NINL: variants seen among roughly 807,000 people sequenced by gnomAD.
NINL encodes the protein ninein like, also known as ninein-like protein.
A neutral mutation model predicts 160.3 loss-of-function variants in NINL; 153 were observed. That is an observed-to-expected ratio of 0.95 (90% CI 0.84 to 1.09). The LOEUF is 1.09. Ranked by LOEUF, NINL falls within the 50% of genes least tolerant of loss-of-function variation. The pLI, the probability that NINL is intolerant of heterozygous loss-of-function variation, is 0.00. For missense variants in NINL, 1,829 were observed against 1,764.0 expected (o/e 1.04, Z -0.66); for synonymous variants, 800 against 734.8 (o/e 1.09, Z -1.43).
intron 18 of NINL, among the ~76,000 whole-genome samples, chr20:25,468,940 TTGA>T (rs2063007289): frequency 1.1e-5 from 1 of 93,388 alleles, no homozygotes; most frequent in African/African-American, 5.3e-5. Context: ...GTCCTGTCCC[TTGA>T]CTCTCACTGG....
intron 1 of NINL, among the ~76,000 whole-genome samples, chr20:25,538,452 T>C (rs913791): frequency 0.97 from 147,912 of 152,312 alleles, 71,960 homozygotes; most frequent in Non-Finnish European, 1. Flanking sequence ...CCAGAGTTCT[T>C]TCAGCTCACC....
In NINL at chr20:25,489,875, C is replaced by T. The variant is rs752106594; in HGVS notation, c.1596G>A (p.Lys532=). 4.3e-6 allele frequency: 7 copies of T among 1,613,960 alleles called. No individual in the cohort carries two copies. The highest frequency in any genetic ancestry group is 1.3e-5 in the African/African-American group (1 of 74,930). The change falls in exon 12 of 24, where the codon AAG becomes AAA. Residue 532 remains lysine (K), a splice_region_variant and synonymous_variant. Coordinates refer to ENST00000278886, the MANE Select transcript of NINL (RefSeq NM_025176.6). ...QKDLEFVLKD[K]LEPQSAELLA... is the part of the protein sequence containing the mutation. Reference sequence around the variant, plus strand: ...GCAGACTGTCAGCAAAGGGACTCGCCTTGTCCTTCAGCACAAACTCCAGGT... The same window carrying T: ...GCAGACTGTCAGCAAAGGGACTCGCTTTGTCCTTCAGCACAAACTCCAGGT...
rs6037133 is a variant in NINL at position 25,529,465 on chromosome 20, G to T, written c.-11-2867C>A. ...ATGATAATCTGCTCAGCATCTGCAA[G>T]GGCCTGCCCTATTTGCTAATCAAAT... On this transcript the variant is annotated intron_variant, in intron 1 of 23. Transcript: ENST00000278886. Among the ~76,000 whole-genome samples the T allele has an allele frequency of 6.5e-4, 99 of 152,044 alleles. 1 individual carries two copies. In the East Asian group the frequency reaches 0.019, roughly 28 times the overall value.
In NINL at chr20:25,492,240, G is replaced by C. The variant is rs967382594; in HGVS notation, c.1311-715C>G. On this transcript the variant is annotated intron_variant, in intron 10 of 23. Transcript: ENST00000278886. ...ACTTTAAAGAAACAACACTCAAAAG[G>C]GAAGAGTATGAAGGAAGTACAATAA... Among the ~76,000 whole-genome samples, 6 of 152,144 alleles carry C rather than the reference G, an allele frequency of 3.9e-5. No homozygotes were observed. In the South Asian group the frequency reaches 1.2e-3, roughly 32 times the overall value.
chr20:25,570,173 C>CT (rs1258940487), intron 1 of NINL, among the ~76,000 whole-genome samples: 1 of 152,154 alleles, frequency 6.6e-6, no homozygotes, highest in Non-Finnish European at 1.5e-5. Context: ...GAGCAAAACT[C>CT]TGTCTCAAAA....
At position 25,455,660 on chromosome 20, in the gene NINL, G is replaced by A. The variant is rs772012373; in HGVS notation, c.3957+13C>T. On this transcript the variant is annotated intron_variant, in intron 23 of 23. Transcript: ENST00000278886. ...AGGACGTGAACACGAAAGCAGCAGCGCCCATCACTCACCTGCTCCTTCAGC... is the reference window on the plus strand; with the variant it reads ...AGGACGTGAACACGAAAGCAGCAGCACCCATCACTCACCTGCTCCTTCAGC... The A allele has an allele frequency of 1.6e-5, 26 of 1,576,944 alleles. No homozygotes were observed. In the Admixed American group the frequency reaches 2.5e-4, roughly 15 times the overall value.
intron 1 of NINL, among the ~76,000 whole-genome samples, chr20:25,561,454 C>A (rs138351449): frequency 0.019 from 2,924 of 152,304 alleles, 76 homozygotes; most frequent in African/African-American, 0.067. Context: ...CCGGCCGCTA[C>A]CCCGTCTGGG....
At position 25,503,976 on chromosome 20, in the gene NINL, C is replaced by T. The variant is rs750446157; in HGVS notation, c.837G>A (p.Pro279=). ...CCTGGTAATGAGACCAAGCCTTGCTCGGTTTAACCCGAGTGGAAGACTCTA... is the reference window on the plus strand; with the variant it reads ...CCTGGTAATGAGACCAAGCCTTGCTTGGTTTAACCCGAGTGGAAGACTCTA... ...LLLESSTRVK[P]SKAWSHYQVP... Residue 279 remains proline, a synonymous_variant, in exon 7 of 24, where the codon CCG becomes CCA. Transcript: ENST00000278886. 1.9e-5 allele frequency: 31 copies of T among 1,614,002 alleles called. No individual in the cohort carries two copies. In the Admixed American group the frequency reaches 3.2e-4, roughly 16 times the overall value.
intron 13 of NINL, among the ~76,000 whole-genome samples, chr20:25,488,633 G>A (rs2063554311): frequency 6.6e-6 from 1 of 151,872 alleles, no homozygotes; most frequent in Non-Finnish European, 1.5e-5. Flanking sequence ...TCCTCTGTTT[G>A]GCCAGCCAGT....
intron 17 of NINL, among the ~76,000 whole-genome samples, chr20:25,472,419 T>C (rs1214433922): frequency 6.8e-6 from 1 of 146,296 alleles, no homozygotes; most frequent in East Asian, 2.0e-4. Flanking sequence ...CTGGCTGGAG[T>C]GCAATGGCGC....
At chr20:25,465,503 C>T (rs2062890777) in intron 19 of NINL, among the ~76,000 whole-genome samples, 1 of 152,102 alleles carries the variant, frequency 6.6e-6, no homozygotes, top group African/African-American at 2.4e-5. Context: ...ACACTAGCTC[C>T]CTGACACCCC....
chr20:25,480,355 G>T, intron 14 of NINL, 88 bp from the exon 15 acceptor site: 1 of 959,412 alleles, frequency 1.0e-6, no homozygotes, highest in Non-Finnish European at 1.7e-6. Flanking sequence ...TTTGGCATTG[G>T]CATCCATGAG....
At position 25,470,008 on chromosome 20, in the gene NINL, A is replaced by G; in HGVS notation, c.3336T>C (p.Ser1112=). Residue 1112 remains serine, a synonymous_variant, in exon 18 of 24, where the codon AGT becomes AGC. Coordinates refer to ENST00000278886, the MANE Select transcript of NINL (RefSeq NM_025176.6). ...RVRQELEAAE[S]THDAQRKEIE... is the part of the protein sequence containing the mutation. ...GCCCTTACCTCTGTGCATCGTGAGT[A>G]CTTTCTGCAGCTTCAAGCTCTTGCC... The G allele has an allele frequency of 6.2e-7, 1 of 1,614,068 alleles. No individual in the cohort carries two copies. Among genetic ancestry groups the G allele is most frequent in the East Asian group, 2.2e-5 (1 of 44,878 alleles).
Position 25,499,563 on chromosome 20 carries a change from C to T in NINL, c.1033-1217G>A, listed in dbSNP as rs141329256. Among the ~76,000 whole-genome samples, 203 of 152,160 alleles carry T rather than the reference C, an allele frequency of 1.3e-3. 2 individuals are homozygous for T. The highest frequency in any genetic ancestry group is 4.5e-3 in the African/African-American group (186 of 41,520). On this transcript the variant is annotated intron_variant, in intron 8 of 23. Transcript: ENST00000278886. ...TTGTGCTCTCTGCCCTTCCTGCAAG[C>T]GATTTTTGGTGATCCTGCCTCCGCC...
chr20:25,458,649 T>A, intron 21 of NINL, 120 bp from the exon 22 acceptor site: 1 of 1,037,342 alleles, frequency 9.6e-7, no homozygotes, highest in Non-Finnish European at 1.4e-6. Flanking sequence ...CTCCCGAGTA[T>A]GCAGCAGCAC....
At chr20:25,545,426 T>C (rs551790093) in intron 1 of NINL, among the ~76,000 whole-genome samples, 9 of 152,238 alleles carry the variant, frequency 5.9e-5, no homozygotes, top group Admixed American at 2.0e-4. Context: ...TTTTCATACA[T>C]TGGCATGTCC....
chr20:25,473,084 G>A (rs1179690883), intron 17 of NINL, among the ~76,000 whole-genome samples: 1 of 152,110 alleles, frequency 6.6e-6, no homozygotes, highest in Non-Finnish European at 1.5e-5. Context: ...GCACAACCAG[G>A]TTGAGCCAAG....
intron 10 of NINL, among the ~76,000 whole-genome samples, chr20:25,494,147 C>T (rs527756026): frequency 2.0e-5 from 3 of 148,938 alleles, no homozygotes; most frequent in Admixed American, 6.7e-5. Context: ...GCCCCACACA[C>T]ACTCACAGCA....
At chr20:25,541,965 A>G (rs1040616434) in intron 1 of NINL, among the ~76,000 whole-genome samples, 1 of 152,248 alleles carries the variant, frequency 6.6e-6, no homozygotes, top group African/African-American at 2.4e-5. Flanking sequence ...GAGCAACTGC[A>G]ATCAACTATT....
Sources: allele counts gnomAD v4.1 joint callset (sites outside exome capture counted in the v4.1 genomes callset), GRCh38; gene constraint gnomAD v4.1.1; transcripts MANE v1.5; gene names NCBI Gene and HGNC (gene_info 2026-07-23, HGNC 2026-07-21).